The following MBD5 variants were observed in gnomAD, a reference collection of about 807,000 sequenced individuals.
MBD5 encodes the protein methyl-CpG-binding domain protein 5.
MBD5 carries 13 observed loss-of-function variants against 117.3 expected under a neutral mutation model. The ratio of observed to expected loss-of-function variants is 0.11; its 90% confidence interval spans 0.07 to 0.18. The LOEUF (loss-of-function observed/expected upper bound fraction) is 0.18. Ranked by LOEUF, MBD5 falls within the 10% of genes least tolerant of loss-of-function variation. The pLI is 1.00. For missense variants in MBD5, 1,879 were observed against 2,093.8 expected (o/e 0.90, Z 2.00); for synonymous variants, 727 against 766.4 (o/e 0.95, Z 0.85).
chr2:148,135,936 A>C (rs6727555), intron 1 of MBD5, among the ~76,000 whole-genome samples: 151,122 of 152,260 alleles, frequency 0.99, 75,005 homozygotes, highest in Non-Finnish European at 1. Context: ...TACCTTCTGA[A>C]CCCCAAGCCA....
At chr2:148,384,280 C>A (rs1704265851) in intron 4 of MBD5, among the ~76,000 whole-genome samples, 1 of 152,088 alleles carries the variant, frequency 6.6e-6, no homozygotes, top group East Asian at 1.9e-4. Context: ...ATACAAAATC[C>A]ATGTGCTAAA....
chr2:148,228,840 G>A (rs1278257877), intron 2 of MBD5, among the ~76,000 whole-genome samples: 2 of 152,190 alleles, frequency 1.3e-5, no homozygotes, highest in Admixed American at 6.5e-5. Flanking sequence ...AGTCTTGGGA[G>A]AGTGTATGTG....
At chr2:148,417,288 C>CTTTT (rs745409695) in intron 4 of MBD5, among the ~76,000 whole-genome samples, 56 of 91,790 alleles carry the variant, frequency 6.1e-4, no homozygotes, top group Non-Finnish European at 7.1e-4. Flanking sequence ...ATGCACAGCT[C>CTTTT]TTTTTTTTTT....
intron 3 of MBD5, among the ~76,000 whole-genome samples, chr2:148,269,417 A>C (rs1272067634): frequency 6.6e-6 from 1 of 151,868 alleles, no homozygotes; most frequent in Non-Finnish European, 1.5e-5. Context: ...TAAAGGATAC[A>C]TAGGAGATAA....
At position 148,489,403 on chromosome 2, in the gene MBD5, T is replaced by G; in HGVS notation, c.3771T>G (p.Asp1257Glu). Residue 1257 changes from aspartate to glutamate, a missense_variant, in exon 11 of 14, where the codon GAT (aspartate) becomes GAG (glutamate). Asp to Glu is a conservative substitution (Grantham distance 45). Transcript: ENST00000642680. ...TCTTCAAGGTGAGAATGCAGGAAGA[T>G]GCAGCTCTCCTAAACAAAAGAATAA... Reference protein sequence around the residue: ...FQNFQVRMQEDAALLNKRIST... With the variant: ...FQNFQVRMQEEAALLNKRIST... 2 of 1,614,194 alleles carry G rather than the reference T, an allele frequency of 1.2e-6. No individual in the cohort carries two copies. The highest frequency in any genetic ancestry group is 8.5e-7 in the Non-Finnish European group (1 of 1,180,032).
chr2:148,453,147 G>A (rs117622101), intron 4 of MBD5, among the ~76,000 whole-genome samples: 1 of 144,124 alleles, frequency 6.9e-6, no homozygotes, highest in South Asian at 2.4e-4. Context: ...ATGATAAACA[G>A]TAATAATCAT....
At chr2:148,302,767 A>G (rs1218684753) in intron 3 of MBD5, among the ~76,000 whole-genome samples, 2 of 151,446 alleles carry the variant, frequency 1.3e-5, no homozygotes, top group Admixed American at 6.6e-5. Context: ...AGTAGCTGGC[A>G]CTACAATGTA....
intron 3 of MBD5, among the ~76,000 whole-genome samples, chr2:148,274,580 AT>A (rs1701058205): frequency 6.6e-6 from 1 of 152,158 alleles, no homozygotes; most frequent in African/African-American, 2.4e-5. Flanking sequence ...TAAAGTCCTA[AT>A]TTTTTAAGAA....
chr2:148,378,542 A>G (rs893101188), intron 4 of MBD5, among the ~76,000 whole-genome samples: 1 of 152,014 alleles, frequency 6.6e-6, no homozygotes, highest in Admixed American at 6.6e-5. Context: ...TTTAGTTTTT[A>G]TACTATATCA....
At chr2:148,065,775 C>T (rs1253034621) in intron 1 of MBD5, among the ~76,000 whole-genome samples, 1 of 152,174 alleles carries the variant, frequency 6.6e-6, no homozygotes, top group Non-Finnish European at 1.5e-5. Flanking sequence ...AACACTTAAA[C>T]TCTGAGCCTT....
chr2:148,456,614 T>G, intron 4 of MBD5, among the ~76,000 whole-genome samples: 1 of 152,150 alleles, frequency 6.6e-6, no homozygotes, highest in East Asian at 1.9e-4. Flanking sequence ...GAAGATGTTA[T>G]GCCTGTAGAT....
chr2:148,151,520 C>G (rs1163793966), intron 1 of MBD5, among the ~76,000 whole-genome samples: 1 of 152,206 alleles, frequency 6.6e-6, no homozygotes, highest in African/African-American at 2.4e-5. Context: ...AGGAATGGTA[C>G]CAGCTCCTCC....
chr2:148,198,331 C>T (rs1440088852), intron 2 of MBD5, among the ~76,000 whole-genome samples: 1 of 152,160 alleles, frequency 6.6e-6, no homozygotes, highest in African/African-American at 2.4e-5. Context: ...GACAACTCTA[C>T]CACCAAATTT....
intron 3 of MBD5, among the ~76,000 whole-genome samples, chr2:148,322,586 T>A (rs1010986786): frequency 6.6e-6 from 1 of 152,156 alleles, no homozygotes; most frequent in African/African-American, 2.4e-5. Flanking sequence ...AAGACTTACA[T>A]ACCTTGATTA....
intron 4 of MBD5, among the ~76,000 whole-genome samples, chr2:148,347,812 A>AT (rs1426640498): frequency 6.6e-6 from 1 of 151,934 alleles, no homozygotes; most frequent in Non-Finnish European, 1.5e-5. Flanking sequence ...TTTTAGTTTT[A>AT]TTTTTTATGC....
At chr2:148,126,977 CTTTTTTTTT>C (rs373037152) in intron 1 of MBD5, among the ~76,000 whole-genome samples, 1 of 130,770 alleles carries the variant, frequency 7.6e-6, no homozygotes, top group Non-Finnish European at 1.6e-5. Context: ...TTTTTTCTTT[CTTTTTTTTT>C]TTTTTTTTTA....
intron 3 of MBD5, among the ~76,000 whole-genome samples, chr2:148,293,507 T>C (rs762187639): frequency 5.3e-5 from 8 of 152,174 alleles, no homozygotes; most frequent in Non-Finnish European, 1.0e-4. Flanking sequence ...CCCGTAAATA[T>C]ATATACCCAC....
intron 4 of MBD5, among the ~76,000 whole-genome samples, chr2:148,361,711 A>G (rs1388088640): frequency 6.6e-6 from 1 of 152,226 alleles, no homozygotes; most frequent in Non-Finnish European, 1.5e-5. Context: ...TAAGAGCATC[A>G]AAATGGTGGT....
intron 1 of MBD5, among the ~76,000 whole-genome samples, chr2:148,118,865 A>G (rs575283438): frequency 6.6e-6 from 1 of 152,276 alleles, no homozygotes; most frequent in Admixed American, 6.5e-5. Context: ...TCCTAACTTC[A>G]GTACTTTTTA....
Sources: allele counts gnomAD v4.1 joint callset (sites outside exome capture counted in the v4.1 genomes callset), GRCh38; gene constraint gnomAD v4.1.1; transcripts MANE v1.5; gene names NCBI Gene and HGNC (gene_info 2026-07-23, HGNC 2026-07-21).